The following KMT2C variants were observed in gnomAD, a reference collection of about 807,000 sequenced individuals.
The protein encoded by KMT2C is histone-lysine N-methyltransferase 2C.
Under a neutral mutation model 507.9 loss-of-function variants are expected in KMT2C, and 88 were observed. The observed-to-expected ratio is 0.17, with a 90% confidence interval of 0.15 to 0.21. KMT2C has a LOEUF of 0.21. Ranked by LOEUF, KMT2C falls within the 10% of genes least tolerant of loss-of-function variation. The pLI is 1.00. For synonymous variants in KMT2C, 2,049 were observed against 2,080.8 expected, an observed-to-expected ratio of 0.98 and a Z score of 0.42; for missense variants, 4,954 against 5,957.8, an observed-to-expected ratio of 0.83 and a Z score of 5.55.
chr7:152,297,044 A>AGAAAGAAAGAAG (rs2096512914), intron 6 of KMT2C, among the ~76,000 whole-genome samples: 2 of 100,586 alleles, frequency 2.0e-5, no homozygotes, highest in African/African-American at 9.7e-5. Flanking sequence ...AAAGAAAGAA[A>AGAAAGAAAGAAG]GAAAGAAAGA....
rs751991864 is a variant in KMT2C, at chr7:152,163,324, T to G, written c.10253A>C (p.Glu3418Ala). The G allele has an allele frequency of 9.9e-6, 16 of 1,614,120 alleles. No individual in the cohort carries two copies. The highest frequency in any genetic ancestry group is 1.7e-5 in the Admixed American group (1 of 59,998). The change falls in exon 43 of 59, where the codon GAG (glutamate) becomes GCG (alanine). Residue 3418 changes from glutamate (E) to alanine (A), a missense_variant. Transcript: ENST00000262189. ...CTGCAAAGCTCTTTGTCTATCTACC[T>G]CCTGCATGAGTTGGATCCGTTGTCT... ...QERQRIQLMQ[E>A]VDRQRALQQR...
At chr7:152,213,468 T>C (rs1226916748) in intron 23 of KMT2C, among the ~76,000 whole-genome samples, 2 of 152,166 alleles carry the variant, frequency 1.3e-5, no homozygotes, top group African/African-American at 4.8e-5. Flanking sequence ...AGGGAAAAGA[T>C]GGTGTCTTCA....
chr7:152,412,926 T>C (rs1833118), intron 1 of KMT2C, among the ~76,000 whole-genome samples: 61 of 142,086 alleles, frequency 4.3e-4, no homozygotes, highest in Non-Finnish European at 4.6e-4. Context: ...TACAATGATA[T>C]AGGAATCCCA....
chr7:152,370,593 C>T lies in KMT2C; in HGVS notation c.162-11918G>A, dbSNP rs115085620. ...ACTAAAGACCAATTTCCTAAGTGAA[C>T]ATAAACACAAAAATCATCAAGAATA... On this transcript the variant is annotated intron_variant, in intron 1 of 58. Transcript: ENST00000262189. 8.6e-3 allele frequency among the ~76,000 whole-genome samples: 1,302 copies of T among 152,272 alleles called. 19 individuals carry two copies. Among genetic ancestry groups the T allele is most frequent in the African/African-American group, 0.03 (1,255 of 41,564 alleles).
chr7:152,416,752 T>A (rs1299398195), intron 1 of KMT2C, among the ~76,000 whole-genome samples: 4 of 147,074 alleles, frequency 2.7e-5, no homozygotes, highest in East Asian at 4.0e-4. Context: ...CAATGTAATT[T>A]AAAAAAATAA....
chr7:152,393,473 C>G (rs948754102), intron 1 of KMT2C, among the ~76,000 whole-genome samples: 1 of 152,106 alleles, frequency 6.6e-6, no homozygotes, highest in Non-Finnish European at 1.5e-5. Flanking sequence ...TATTAGTTAC[C>G]TAACCAATAG....
intron 6 of KMT2C, among the ~76,000 whole-genome samples, chr7:152,274,762 C>T (rs1476464355): frequency 6.6e-6 from 1 of 152,176 alleles, no homozygotes; most frequent in East Asian, 1.9e-4. Flanking sequence ...TACACCATTA[C>T]ATGGTACTTA....
chr7:152,303,527 T>G (rs760505762), intron 6 of KMT2C, among the ~76,000 whole-genome samples: 7 of 152,248 alleles, frequency 4.6e-5, no homozygotes, highest in Admixed American at 2.6e-4. Context: ...CCAGATACTT[T>G]GTTAGGCACC....
At chr7:152,346,249 T>C (rs1326792105) in intron 2 of KMT2C, among the ~76,000 whole-genome samples, 1 of 152,210 alleles carries the variant, frequency 6.6e-6, no homozygotes, top group Admixed American at 6.6e-5. Flanking sequence ...ATAACTGACA[T>C]CTAAAGACTA....
At chr7:152,412,218 T>C (rs2884933) in intron 1 of KMT2C, among the ~76,000 whole-genome samples, 4,318 of 66,002 alleles carry the variant, frequency 0.065, no homozygotes, top group Non-Finnish European at 0.085. Flanking sequence ...CTGGCCAACA[T>C]GGTGAAACCC....
In KMT2C at chr7:152,152,825, A is replaced by C. The variant is rs994169324; in HGVS notation, c.12406T>G (p.Leu4136Val). 1.2e-6 allele frequency: 2 copies of C among 1,614,034 alleles called. No individual in the cohort carries two copies. The highest frequency in any genetic ancestry group is 2.2e-5 in the East Asian group (1 of 44,888). ...AGAAGTAAATGCTGTCGATACTCCA[A>C]ACCCGGGTTGATTCTGTGGCTACTG... ...LVSSHRINPGLEYRQHLLLRG... is the reference protein window; with the variant it reads ...LVSSHRINPGVEYRQHLLLRG... Residue 4136 changes from leucine to valine, a missense_variant, in exon 49 of 59, where the codon TTG (leucine) becomes GTG (valine). Around this residue, in one of 29 missense-constraint regions of KMT2C, gnomAD observed 417 missense variants for 461.1 expected, o/e 0.90. Coordinates refer to ENST00000262189, the MANE Select transcript of KMT2C (RefSeq NM_170606.3).
Position 152,288,969 on chromosome 7 carries a change from T to C in KMT2C, c.850-15102A>G, listed in dbSNP as rs532517326. On this transcript the variant is annotated intron_variant, in intron 6 of 58. Transcript: ENST00000262189. ...TAGTAATGAAAGGGAAATCAAGAAA[T>C]TGTGAGATGAATGAGAACTAAAAAT... 8.0e-3 allele frequency among the ~76,000 whole-genome samples: 1,218 copies of C among 152,274 alleles called. 1 individual carries two copies. The highest frequency in any genetic ancestry group is 0.028 in the African/African-American group (1,173 of 41,490).
At chr7:152,380,456 T>C (rs1315373313) in intron 1 of KMT2C, among the ~76,000 whole-genome samples, 2 of 151,996 alleles carry the variant, frequency 1.3e-5, no homozygotes, top group East Asian at 3.9e-4. Context: ...TAGTCACAGC[T>C]ACTCGAGAGG....
At chr7:152,242,251 C>T (rs1313419179) in intron 14 of KMT2C, among the ~76,000 whole-genome samples, 1 of 152,040 alleles carries the variant, frequency 6.6e-6, no homozygotes, top group African/African-American at 2.4e-5. Context: ...ACTTATTGAA[C>T]TTTTTTTCTG....
At chr7:152,167,468 C>CA in intron 41 of KMT2C, 90 bp from the exon 42 acceptor site, 1 of 778,676 alleles carries the variant, frequency 1.3e-6, no homozygotes, top group Non-Finnish European at 2.1e-6. Context: ...GAAGTAGTTT[C>CA]ACCATGACCA....
At chr7:152,287,946 C>T (rs1235405468) in intron 6 of KMT2C, among the ~76,000 whole-genome samples, 1 of 148,800 alleles carries the variant, frequency 6.7e-6, no homozygotes, top group African/African-American at 2.5e-5. Context: ...ATCACTTAAA[C>T]CCAGGAAGCA....
Position 152,187,745 on chromosome 7 carries a change from G to T in KMT2C, c.4763C>A (p.Ala1588Glu). The T allele has an allele frequency of 6.2e-7, 1 of 1,614,108 alleles. No homozygotes were observed. The highest frequency in any genetic ancestry group is 8.5e-7 in the Non-Finnish European group (1 of 1,179,986). Residue 1588 changes from alanine (A) to glutamate (E), a missense_variant, in exon 32 of 59, where the codon GCA (alanine) becomes GAA (glutamate). Ala to Glu is a moderately radical substitution (Grantham distance 107). Transcript: ENST00000262189. ...ATCAGGATAAGAGGATTGTGCAATT[G>T]CAGAGAAAGTTCCCAGTCCGCTTCC... ...PPGSGLGTFS[A>E]IAQSSYPDAR...
At chr7:152,269,390 GAGA>G in intron 7 of KMT2C, among the ~76,000 whole-genome samples, 1 of 152,198 alleles carries the variant, frequency 6.6e-6, no homozygotes, top group Non-Finnish European at 1.5e-5. Context: ...CCCAGTCAGG[GAGA>G]AGATGTGTGG....
rs761335251 is a variant in KMT2C, at chr7:152,177,441, G to T, written c.8012C>A (p.Thr2671Lys). ...GGTGGTTATCTGTAAATTATCAGAC[G>T]TTGTTTCAGACGGTACAGATGTTGA... Reference protein sequence around the residue: ...PLSTSVPSETTSDNLQITTQP... With the variant: ...PLSTSVPSETKSDNLQITTQP... The change falls in exon 38 of 59, where the codon ACG (threonine) becomes AAG (lysine). Residue 2671 changes from threonine to lysine, a missense_variant. Around this residue, in one of 29 missense-constraint regions of KMT2C, gnomAD observed 1,689 missense variants for 1,654.3 expected, o/e 1.02. Transcript: ENST00000262189. 8.1e-6 allele frequency: 13 copies of T among 1,614,070 alleles called. No individual in the cohort carries two copies. The highest frequency in any genetic ancestry group is 1.1e-5 in the Non-Finnish European group (13 of 1,179,976).
Sources: gnomAD v4.1 joint callset for allele counts (sites outside exome capture counted in the v4.1 genomes callset) on GRCh38, gnomAD v4.1.1 for gene constraint, gnomAD v4.1.1 regional missense constraint, MANE v1.5 for transcripts, NCBI Gene and HGNC (gene_info 2026-07-23, HGNC 2026-07-21) for gene names.